CLIC5: variants seen among roughly 807,000 people sequenced by gnomAD.
The protein encoded by CLIC5 is chloride intracellular channel protein 5.
A neutral mutation model predicts 24.7 loss-of-function variants in CLIC5; 20 were observed. The observed-to-expected ratio is 0.81, with a 90% CI of 0.57 to 1.18. CLIC5 has a LOEUF of 1.18. Ranked by LOEUF, CLIC5 falls within the 50% of genes most tolerant of loss-of-function variation. The pLI, the probability that CLIC5 is intolerant of heterozygous loss-of-function variation, is 0.00. For missense variants in CLIC5, 341 were observed against 326.1 expected (o/e 1.05, Z -0.35); for synonymous variants, 159 against 135.6 (o/e 1.17, Z -1.20).
chr6:46,108,392 G>C, the CLIC5 span, among the ~76,000 whole-genome samples: 2 of 145,700 alleles, frequency 1.4e-5, no homozygotes, highest in Non-Finnish European at 3.0e-5. Flanking sequence ...GTGTGTGTGT[G>C]TGTGTGTGTG....
At chr6:46,106,071 T>C in the CLIC5 span, among the ~76,000 whole-genome samples, 1 of 152,160 alleles carries the variant, frequency 6.6e-6, no homozygotes, top group African/African-American at 2.4e-5. Context: ...TGCCTAGCCC[T>C]CATCTCAAGA....
chr6:45,888,394 A>T (rs545311734), intron 6 of CLIC5, among the ~76,000 whole-genome samples: 4 of 152,172 alleles, frequency 2.6e-5, no homozygotes, highest in Non-Finnish European at 5.9e-5. Flanking sequence ...CTAGAGTTTC[A>T]GGGAAAGAGA....
chr6:45,933,486 G>A (rs1013154933), intron 4 of CLIC5, among the ~76,000 whole-genome samples: 6 of 152,236 alleles, frequency 3.9e-5, no homozygotes. Context: ...CTGATGAAGG[G>A]CAATGCAATC....
intron 1 of CLIC5, among the ~76,000 whole-genome samples, chr6:45,971,182 C>A (rs952931519): frequency 6.6e-6 from 1 of 152,210 alleles, no homozygotes; most frequent in African/African-American, 2.4e-5. Flanking sequence ...ATACTACTAT[C>A]CACAGAGTGG....
intron 1 of CLIC5, among the ~76,000 whole-genome samples, chr6:46,050,605 C>G (rs757309158): frequency 2.6e-5 from 4 of 152,158 alleles, no homozygotes; most frequent in Non-Finnish European, 5.9e-5. Context: ...GATGCACTGG[C>G]CTTCCAAACA....
rs1050588884 is a variant in CLIC5 at position 45,902,935 on chromosome 6, G to A, written c.*153C>T. 1 of 768,588 alleles carries A rather than the reference G, an allele frequency of 1.3e-6. No homozygotes were observed. Among genetic ancestry groups the A allele is most frequent in the Non-Finnish European group, 2.1e-6 (1 of 470,342 alleles). 47.6% of individuals were successfully genotyped at this position (768,588 alleles called of 1,614,324 possible). A position where few individuals can be genotyped will look rare whatever the true frequency, so the allele number is the denominator to read the frequency against. ...AGGGATGGTGCTGACCTTCATGAAA[G>A]ATAGCAGGCTGGAGTTCCCATGATA... On this transcript the variant is annotated 3_prime_UTR_variant, in exon 6 of 6. Coordinates refer to ENST00000339561, the MANE Select transcript of CLIC5 (RefSeq NM_016929.5).
intron 1 of CLIC5, among the ~76,000 whole-genome samples, chr6:45,970,671 C>A (rs927732777): frequency 9.9e-5 from 15 of 152,184 alleles, no homozygotes; most frequent in African/African-American, 3.1e-4. Flanking sequence ...ACCATATTTT[C>A]TCTCACAAGT....
intron 1 of CLIC5, among the ~76,000 whole-genome samples, chr6:45,964,381 G>A (rs144018504): frequency 1.4e-3 from 219 of 152,304 alleles, no homozygotes; most frequent in African/African-American, 5.1e-3. Flanking sequence ...TAGAGGTGGA[G>A]TCCACATTTC....
intron 1 of CLIC5, among the ~76,000 whole-genome samples, chr6:45,958,443 T>TATACACACACACACACAC (rs1554151289): frequency 8.8e-4 from 49 of 55,574 alleles, no homozygotes; most frequent in Non-Finnish European, 1.5e-3. Flanking sequence ...TATATATATA[T>TATACACACACACACACAC]ATATATATAT....
upstream of CLIC5, among the ~76,000 whole-genome samples, chr6:46,019,630 G>C (rs1305240114): frequency 6.9e-6 from 1 of 145,962 alleles, no homozygotes; most frequent in Non-Finnish European, 1.5e-5. Flanking sequence ...AGCTTGCAGT[G>C]AGCCGAGATT....
At chr6:46,125,669 G>A in the CLIC5 span, among the ~76,000 whole-genome samples, 1 of 152,012 alleles carries the variant, frequency 6.6e-6, no homozygotes. Context: ...TCCAAGGATG[G>A]AGCTTCAGGT....
In CLIC5 at chr6:46,076,626, G is replaced by A. The variant is rs80283720; in HGVS notation, c.540+3077C>T. Among the ~76,000 whole-genome samples the A allele has an allele frequency of 3.0e-3, 460 of 152,248 alleles. 7 individuals are homozygous for A. Among genetic ancestry groups the A allele is most frequent in the Admixed American group, 0.022 (339 of 15,286 alleles). On this transcript the variant is annotated intron_variant, in intron 1 of 5. Coordinates refer to the CLIC5 transcript ENST00000185206. ...GAAAACAGCTCTGCTGACACCTTGA[G>A]TTTAGCCCCATAAGACTCATTTCAG...
intron 1 of CLIC5, among the ~76,000 whole-genome samples, chr6:46,044,281 T>C (rs1002396408): frequency 6.6e-6 from 1 of 152,136 alleles, no homozygotes; most frequent in African/African-American, 2.4e-5. Context: ...AATAACCACC[T>C]CAGATCATAT....
At chr6:45,892,504 T>C (rs1267992954) in intron 6 of CLIC5, among the ~76,000 whole-genome samples, 3 of 152,278 alleles carry the variant, frequency 2.0e-5, no homozygotes, top group African/African-American at 4.8e-5. Context: ...GAGCCACAAG[T>C]GATAGTTCAG....
At chr6:45,915,390 T>G (rs1762990808) in intron 4 of CLIC5, among the ~76,000 whole-genome samples, 1 of 152,146 alleles carries the variant, frequency 6.6e-6, no homozygotes, top group African/African-American at 2.4e-5. Context: ...TGTGGAAGTA[T>G]TAACTATAGC....
chr6:46,094,212 G>A, the CLIC5 span, among the ~76,000 whole-genome samples: 6 of 152,180 alleles, frequency 3.9e-5, no homozygotes. Context: ...AATTAGACAT[G>A]AGATTTGGGC....
intron 1 of CLIC5, among the ~76,000 whole-genome samples, chr6:45,985,858 T>C (rs1327004883): frequency 2.6e-5 from 4 of 152,178 alleles, no homozygotes; most frequent in Admixed American, 2.6e-4. Context: ...GTGGTTTGGC[T>C]GTGTACCCAC....
intron 1 of CLIC5, among the ~76,000 whole-genome samples, chr6:46,000,689 C>T (rs984039729): frequency 2.0e-5 from 3 of 152,114 alleles, no homozygotes; most frequent in Admixed American, 6.6e-5. Context: ...AGAATGACTG[C>T]CAGCAGGGGA....
At chr6:45,979,694 A>T (rs1765502733) in intron 1 of CLIC5, among the ~76,000 whole-genome samples, 1 of 152,212 alleles carries the variant, frequency 6.6e-6, no homozygotes, top group Non-Finnish European at 1.5e-5. Context: ...TTTTCTATTT[A>T]AAAAACGTTG....
Sources: allele counts gnomAD v4.1 joint callset (sites outside exome capture counted in the v4.1 genomes callset), GRCh38; gene constraint gnomAD v4.1.1; transcripts MANE v1.5; gene names NCBI Gene and HGNC (gene_info 2026-07-23, HGNC 2026-07-21).